The following COA1 variants were observed in gnomAD, a reference collection of about 807,000 sequenced individuals.
COA1 encodes the protein cytochrome c oxidase assembly factor 1 homolog.
Under a neutral mutation model 16.0 loss-of-function variants are expected in COA1, and 13 were observed. The observed-to-expected ratio is 0.81, with a 90% confidence interval of 0.53 to 1.29. COA1 has a LOEUF of 1.29. Ranked by LOEUF, COA1 falls within the 50% of genes most tolerant of loss-of-function variation. The pLI, the probability that COA1 is intolerant of heterozygous loss-of-function variation, is 0.00. For missense variants in COA1, 179 were observed against 177.0 expected, an observed-to-expected ratio of 1.01 and a Z score of -0.06; for synonymous variants, 65 against 65.7, an observed-to-expected ratio of 0.99 and a Z score of 0.05.
At chr7:43,646,021 T>A (rs572035095) in intron 3 of COA1, 7 of 153,554 alleles carry the variant, frequency 4.6e-5, no homozygotes, top group African/African-American at 1.4e-4. Context: ...ACCTGGGAAC[T>A]CCGGGAAGCA....
chr7:43,706,042 T>C (rs981280119), intron 1 of COA1, among the ~76,000 whole-genome samples: 2 of 152,182 alleles, frequency 1.3e-5, no homozygotes, highest in Non-Finnish European at 1.5e-5. Flanking sequence ...CTGGTCTCAG[T>C]GGGAGAGGCT....
chr7:43,711,312 CTCA>C (rs1256688850), intron 1 of COA1: 3 of 151,688 alleles, frequency 2.0e-5, no homozygotes, highest in African/African-American at 7.3e-5. Context: ...TTATTATGTG[CTCA>C]TCATACCACA....
intron 1 of COA1, chr7:43,649,289 T>C (rs762391347): frequency 6.6e-5 from 10 of 152,258 alleles, no homozygotes; most frequent in Non-Finnish European, 1.3e-4. Flanking sequence ...AATAAGTGAA[T>C]AAGTGGTAGA....
chr7:43,666,535 A>C (rs2092903612), intron 1 of COA1, among the ~76,000 whole-genome samples: 1 of 152,248 alleles, frequency 6.6e-6, no homozygotes. Context: ...AATTGGCTTA[A>C]AGAAAAATAA....
chr7:43,643,106 A>G (rs1257041601), intron 4 of COA1, among the ~76,000 whole-genome samples: 1 of 152,202 alleles, frequency 6.6e-6, no homozygotes, highest in East Asian at 1.9e-4. Context: ...CACAACCAAC[A>G]TAGTCACAGC....
intron 1 of COA1, among the ~76,000 whole-genome samples, chr7:43,665,921 C>T (rs758989312): frequency 6.6e-6 from 1 of 152,156 alleles, no homozygotes; most frequent in African/African-American, 2.4e-5. Flanking sequence ...AGAGCCAAAT[C>T]GTATCACAGA....
At chr7:43,718,043 A>G (rs1484804307) in intron 1 of COA1, among the ~76,000 whole-genome samples, 3 of 152,210 alleles carry the variant, frequency 2.0e-5, no homozygotes, top group Non-Finnish European at 4.4e-5. Context: ...AGTCTCAGGT[A>G]TGTCTTTATC....
chr7:43,722,602 C>T (rs1373567829), intron 1 of COA1, among the ~76,000 whole-genome samples: 2 of 151,766 alleles, frequency 1.3e-5, no homozygotes, highest in African/African-American at 4.8e-5. Flanking sequence ...GGGGTTTCAC[C>T]ATGTTGGCCA....
chr7:43,623,262 G>C (rs575030292), intron 6 of COA1: 2 of 253,452 alleles, frequency 7.9e-6, no homozygotes, highest in African/African-American at 4.6e-5. Flanking sequence ...TAAAAGCCAT[G>C]ATCTGATAGA....
At chr7:43,620,432 T>C (rs1238757447) in intron 6 of COA1, among the ~76,000 whole-genome samples, 2 of 152,180 alleles carry the variant, frequency 1.3e-5, no homozygotes, top group Non-Finnish European at 2.9e-5. Flanking sequence ...CCCAGCACTT[T>C]GGGAGGCCAA....
rs749053977 is a variant in COA1 at position 43,610,695 on chromosome 7, C to T, written c.*134-1200G>A. Among the ~76,000 whole-genome samples, 4 of 151,972 alleles carry T rather than the reference C, an allele frequency of 2.6e-5. No individual in the cohort carries two copies. The South Asian group carries it at 6.2e-4, about 24-fold the overall frequency. On this transcript the variant is annotated intron_variant and NMD_transcript_variant, in intron 6 of 6. Coordinates refer to the COA1 transcript ENST00000415076. ...AAAAGAACTGCTATATGGCACATTC[C>T]GTAATACCTTTGTTTATTTATATAG...
chr7:43,682,264 A>C (rs916843510), intron 1 of COA1, among the ~76,000 whole-genome samples: 5 of 152,214 alleles, frequency 3.3e-5, no homozygotes, highest in African/African-American at 1.2e-4. Flanking sequence ...CCAATGTAGT[A>C]AGTAGTTAGT....
intron 1 of COA1, among the ~76,000 whole-genome samples, chr7:43,668,969 C>G (rs1183908310): frequency 6.6e-6 from 1 of 152,070 alleles, no homozygotes; most frequent in Non-Finnish European, 1.5e-5. Flanking sequence ...ATATTTGGAC[C>G]CTGTATACTC....
At chr7:43,666,727 AC>A (rs1175148608) in intron 1 of COA1, among the ~76,000 whole-genome samples, 26 of 152,212 alleles carry the variant, frequency 1.7e-4, no homozygotes, top group African/African-American at 6.3e-4. Flanking sequence ...TAAGGCTGGG[AC>A]ATATAGAGCT....
chr7:43,637,294 C>CTT (rs144649577), downstream of COA1, among the ~76,000 whole-genome samples: 1,355 of 152,306 alleles, frequency 8.9e-3, 16 homozygotes, highest in African/African-American at 0.031. Flanking sequence ...TGGTAAGGAA[C>CTT]TTGTGGGTGG....
intron 6 of COA1, among the ~76,000 whole-genome samples, chr7:43,627,392 G>A (rs144651972): frequency 9.8e-4 from 149 of 152,320 alleles, no homozygotes; most frequent in African/African-American, 3.3e-3. Context: ...TAGAGAATGT[G>A]AGACAGAACA....
chr7:43,651,709 AAAAC>A (rs912045078), intron 1 of COA1, among the ~76,000 whole-genome samples: 4 of 147,258 alleles, frequency 2.7e-5, no homozygotes, highest in East Asian at 2.1e-4. Flanking sequence ...AAAAAAAAAA[AAAAC>A]AGGCCAGGTG....
downstream of COA1, chr7:43,639,219 AAGGAAG>A (rs74583449): frequency 0.084 from 13,406 of 159,222 alleles, 663 homozygotes; most frequent in East Asian, 0.18. Flanking sequence ...TTCCAGGGGA[AAGGAAG>A]AGGAAGAGAA....
At chr7:43,708,235 A>T (rs1331973179) in intron 1 of COA1, among the ~76,000 whole-genome samples, 1 of 152,208 alleles carries the variant, frequency 6.6e-6, no homozygotes, top group African/African-American at 2.4e-5. Context: ...TGGAACGCTG[A>T]GGCGGAGGGA....
Sources: allele counts gnomAD v4.1 joint callset (sites outside exome capture counted in the v4.1 genomes callset), GRCh38; gene constraint gnomAD v4.1.1; transcripts MANE v1.5; gene names NCBI Gene and HGNC (gene_info 2026-07-23, HGNC 2026-07-21).